Variants in ASIC2 observed in about 807,000 individuals in gnomAD.
ASIC2 encodes the protein acid sensing ion channel subunit 2, also known as acid-sensing ion channel 2.
In ASIC2, 25 loss-of-function variants were observed where a neutral mutation model predicts 57.3. The observed-to-expected ratio is 0.44, with a 90% confidence interval of 0.32 to 0.61. The LOEUF is 0.61. ASIC2 is among the 20% of genes least tolerant of loss of function. The probability of loss-of-function intolerance (pLI) is 0.06; values close to 1 mark genes in which losing one functional copy is unlikely to be tolerated. For synonymous variants in ASIC2, 319 were observed against 307.5 expected (o/e 1.04, Z -0.39); for missense variants, 641 against 738.1 (o/e 0.87, Z 1.52).
At chr17:33,930,418 G>A (rs1247125725) in intron 1 of ASIC2, among the ~76,000 whole-genome samples, 1 of 152,106 alleles carries the variant, frequency 6.6e-6, no homozygotes, top group Non-Finnish European at 1.5e-5. Flanking sequence ...CACAACCCTG[G>A]TTCAGTTTGT....
intron 3 of ASIC2, among the ~76,000 whole-genome samples, chr17:33,075,641 TCTG>T (rs1284440145): frequency 6.6e-6 from 1 of 152,144 alleles, no homozygotes; most frequent in African/African-American, 2.4e-5. Context: ...GTCTGCTCCT[TCTG>T]CTGGTTCCCA....
At chr17:33,673,269 T>A (rs1283199848) in intron 1 of ASIC2, among the ~76,000 whole-genome samples, 2 of 151,798 alleles carry the variant, frequency 1.3e-5, no homozygotes, top group African/African-American at 4.8e-5. Context: ...ATAAAGGGGA[T>A]GAGGAGGGCA....
chr17:33,262,573 G>A lies in ASIC2; in HGVS notation c.708+28835C>T, dbSNP rs116577273. Among the ~76,000 whole-genome samples the A allele has an allele frequency of 1.4e-3, 217 of 152,230 alleles. 2 individuals are homozygous for A. Among genetic ancestry groups the A allele is most frequent in the African/African-American group, 5.0e-3 (206 of 41,536 alleles). On this transcript the variant is annotated intron_variant, in intron 1 of 9. Coordinates refer to ENST00000225823, the MANE Select transcript of ASIC2 (RefSeq NM_183377.2). ...TTATTCCAAGCCCACTGTATTCTGG[G>A]CCCCAAGCACTTTCCAAACTTACCT...
At chr17:33,474,816 G>A (rs1305430081) in intron 1 of ASIC2, among the ~76,000 whole-genome samples, 2 of 152,196 alleles carry the variant, frequency 1.3e-5, no homozygotes, top group African/African-American at 2.4e-5. Flanking sequence ...TGTACAGTGT[G>A]TGGGGTATAA....
chr17:33,966,344 G>A (rs1178697463), intron 1 of ASIC2, among the ~76,000 whole-genome samples: 1 of 152,168 alleles, frequency 6.6e-6, no homozygotes, highest in Admixed American at 6.5e-5. Flanking sequence ...GTGACCTTGG[G>A]TAAATTACCT....
chr17:33,875,954 A>G (rs1914534914), intron 1 of ASIC2, among the ~76,000 whole-genome samples: 1 of 152,212 alleles, frequency 6.6e-6, no homozygotes, highest in Non-Finnish European at 1.5e-5. Flanking sequence ...TTTCAATTAG[A>G]AAAAGATTCT....
At chr17:33,342,979 G>A (rs553315620) in intron 1 of ASIC2, among the ~76,000 whole-genome samples, 37 of 152,340 alleles carry the variant, frequency 2.4e-4, no homozygotes, top group African/African-American at 7.5e-4. Flanking sequence ...AGGGGCATAT[G>A]TGAACTTTAG....
intron 1 of ASIC2, among the ~76,000 whole-genome samples, chr17:34,081,202 C>G (rs1039660715): frequency 3.9e-5 from 6 of 152,050 alleles, no homozygotes; most frequent in Non-Finnish European, 7.4e-5. Flanking sequence ...TAAATTAGAG[C>G]CTAGGGGTGG....
intron 1 of ASIC2, among the ~76,000 whole-genome samples, chr17:33,128,791 G>C (rs1325404706): frequency 6.6e-6 from 1 of 152,238 alleles, no homozygotes; most frequent in Non-Finnish European, 1.5e-5. Context: ...CTCACAGTCG[G>C]TGAATGCATG....
At chr17:33,524,205 C>G (rs952021909) in intron 1 of ASIC2, among the ~76,000 whole-genome samples, 4 of 152,188 alleles carry the variant, frequency 2.6e-5, no homozygotes, top group African/African-American at 7.2e-5. Flanking sequence ...AATTCTTTGC[C>G]CTCCAGTCAG....
chr17:33,136,676 G>C (rs569788051), intron 1 of ASIC2, among the ~76,000 whole-genome samples: 1 of 152,214 alleles, frequency 6.6e-6, no homozygotes, highest in African/African-American at 2.4e-5. Context: ...AATACTTAAA[G>C]AGTATGCATA....
chr17:33,099,784 T>TA (rs1267804273), intron 2 of ASIC2, among the ~76,000 whole-genome samples: 3 of 152,220 alleles, frequency 2.0e-5, no homozygotes. Context: ...ATTCCATTTG[T>TA]AAAAATTCTG....
chr17:33,865,759 T>TAAAAAAAAAAAAAAAAAAA (rs61218521), intron 1 of ASIC2, among the ~76,000 whole-genome samples: 1 of 122,106 alleles, frequency 8.2e-6, no homozygotes, highest in Non-Finnish European at 1.7e-5. Flanking sequence ...AAAAAAAAAA[T>TAAAAAAAAAAAAAAAAAAA]AAAAAAAAAA....
At position 33,439,753 on chromosome 17, in the gene ASIC2, G is replaced by A. The variant is rs118151371; in HGVS notation, c.556-327686C>T. On this transcript the variant is annotated intron_variant, in intron 1 of 9. Coordinates refer to the ASIC2 transcript ENST00000359872. ...ACACTGGACATTTGTAAACATCTTC[G>A]GGAGGGGATTCTACAGAATAATAAA... Among the ~76,000 whole-genome samples, 1,268 of 152,250 alleles carry A rather than the reference G, an allele frequency of 8.3e-3. 13 individuals carry two copies. The highest frequency in any genetic ancestry group is 0.011 in the Non-Finnish European group (772 of 68,006).
intron 1 of ASIC2, among the ~76,000 whole-genome samples, chr17:33,311,774 C>T (rs1597677505): frequency 6.6e-6 from 1 of 152,276 alleles, no homozygotes; most frequent in South Asian, 2.1e-4. Context: ...CATCCCTAGG[C>T]TTCTTTCTTA....
intron 1 of ASIC2, among the ~76,000 whole-genome samples, chr17:34,029,148 A>G (rs1907490854): frequency 6.6e-6 from 1 of 151,790 alleles, no homozygotes; most frequent in Non-Finnish European, 1.5e-5. Flanking sequence ...CCATTCCTTT[A>G]CTTTATTTGT....
At chr17:33,948,556 C>T (rs991788576) in intron 1 of ASIC2, among the ~76,000 whole-genome samples, 4 of 152,226 alleles carry the variant, frequency 2.6e-5, no homozygotes, top group African/African-American at 9.6e-5. Flanking sequence ...TGGCCTCTGA[C>T]TGCATGGTGC....
At chr17:33,353,893 C>T (rs2014285) in intron 1 of ASIC2, among the ~76,000 whole-genome samples, 30,121 of 152,090 alleles carry the variant, frequency 0.2, 3,854 homozygotes, top group African/African-American at 0.37. Context: ...AGAGTATTAG[C>T]CCATTCTCTT....
intron 1 of ASIC2, among the ~76,000 whole-genome samples, chr17:33,122,327 A>T (rs1485436807): frequency 2.0e-5 from 3 of 152,152 alleles, no homozygotes; most frequent in Non-Finnish European, 4.4e-5. Context: ...GGTGGAGCAC[A>T]TCTTAGTCTA....
Sources: gnomAD v4.1 joint callset for allele counts (sites outside exome capture counted in the v4.1 genomes callset) on GRCh38, gnomAD v4.1.1 for gene constraint, MANE v1.5 for transcripts, NCBI Gene and HGNC (gene_info 2026-07-23, HGNC 2026-07-21) for gene names.